Variants in OLFML2A observed in about 807,000 individuals in gnomAD.
OLFML2A encodes olfactomedin-like protein 2A.
OLFML2A carries 47 observed loss-of-function variants against 60.9 expected under a neutral mutation model. The observed-to-expected ratio is 0.77, with a 90% CI of 0.61 to 0.98. OLFML2A has a LOEUF of 0.98. Ranked by LOEUF, OLFML2A falls within the 50% of genes least tolerant of loss-of-function variation. The pLI, the probability that OLFML2A is intolerant of heterozygous loss-of-function variation, is 0.00. For synonymous variants in OLFML2A, 372 were observed against 375.0 expected (o/e 0.99, Z 0.09); for missense variants, 922 against 879.8 (o/e 1.05, Z -0.61).
intron 6 of OLFML2A, among the ~76,000 whole-genome samples, 198 bp from the exon 7 acceptor site, chr9:124,807,583 T>G (rs1042218324): frequency 1.3e-5 from 2 of 152,212 alleles, no homozygotes; most frequent in Non-Finnish European, 2.9e-5. Context: ...GCGCCTGGCC[T>G]CCATTCTGCT....
At chr9:124,809,043 T>A (rs1341536867) in intron 7 of OLFML2A, among the ~76,000 whole-genome samples, 1 of 150,744 alleles carries the variant, frequency 6.6e-6, no homozygotes, top group Non-Finnish European at 1.5e-5. Context: ...GGCAGGCGCC[T>A]GTAATCCCAG....
At chr9:124,809,625 G>T (rs1177334457) in intron 7 of OLFML2A, among the ~76,000 whole-genome samples, 183 bp from the exon 8 acceptor site, 1 of 151,840 alleles carries the variant, frequency 6.6e-6, no homozygotes, top group Non-Finnish European at 1.5e-5. Context: ...CAGATGGGAT[G>T]ACGATAGACC....
Position 124,809,802 on chromosome 9 carries a change from C to T in OLFML2A, c.1355-6C>T, listed in dbSNP as rs369572035. 2 of 1,590,088 alleles carry T rather than the reference C, an allele frequency of 1.3e-6. No individual in the cohort carries two copies. Among genetic ancestry groups the T allele is most frequent in the African/African-American group, 2.7e-5 (2 of 74,624 alleles). The stretch of plus-strand genomic sequence containing the variant: ...GGTCTGGGGTGACCATCGCCCTCGC[C>T]TGCAGGCCGCTGGAGTAACATGTAC... On this transcript the variant is annotated splice_region_variant and splice_polypyrimidine_tract_variant and intron_variant, in intron 7 of 7. Coordinates refer to ENST00000373580, the MANE Select transcript of OLFML2A (RefSeq NM_182487.4).
At chr9:124,796,184 C>A (rs1157829232) in intron 3 of OLFML2A, among the ~76,000 whole-genome samples, 1 of 152,214 alleles carries the variant, frequency 6.6e-6, no homozygotes, top group Non-Finnish European at 1.5e-5. Context: ...CCCTTCCTCA[C>A]CCCAAAGTTG....
At chr9:124,803,634 T>C (rs1841826091) in intron 5 of OLFML2A, among the ~76,000 whole-genome samples, 2 of 152,324 alleles carry the variant, frequency 1.3e-5, no homozygotes, top group Middle Eastern at 3.4e-3. Flanking sequence ...GGCAGAATAA[T>C]AGGAGAAGGC....
At chr9:124,785,705 A>G (rs1588878980) in intron 1 of OLFML2A, among the ~76,000 whole-genome samples, 1 of 152,074 alleles carries the variant, frequency 6.6e-6, no homozygotes, top group East Asian at 1.9e-4. Flanking sequence ...CGGCCTTTGG[A>G]TACCCATTTT....
chr9:124,786,446 C>A (rs1037410357), intron 1 of OLFML2A, among the ~76,000 whole-genome samples: 1 of 151,560 alleles, frequency 6.6e-6, no homozygotes, highest in Non-Finnish European at 1.5e-5. Flanking sequence ...ACGGGCCGGG[C>A]GCGGTGGCTC....
intron 2 of OLFML2A, among the ~76,000 whole-genome samples, chr9:124,791,848 G>A (rs1022254736): frequency 6.6e-6 from 1 of 151,988 alleles, no homozygotes; most frequent in African/African-American, 2.4e-5. Context: ...TCTGTCAAGT[G>A]GCTACAAAAG....
chr9:124,788,514 G>C (rs1841520808), intron 2 of OLFML2A, among the ~76,000 whole-genome samples: 1 of 152,172 alleles, frequency 6.6e-6, no homozygotes, highest in Non-Finnish European at 1.5e-5. Flanking sequence ...GCTGAGGCAG[G>C]AGAATTGCTT....
At chr9:124,794,006 T>C (rs1012217317) in intron 2 of OLFML2A, among the ~76,000 whole-genome samples, 3 of 152,162 alleles carry the variant, frequency 2.0e-5, no homozygotes, top group Admixed American at 2.0e-4. Context: ...GCCACTGCAC[T>C]CTTTCCTGGG....
chr9:124,808,218 G>T (rs1031754252), intron 7 of OLFML2A, among the ~76,000 whole-genome samples: 4 of 152,234 alleles, frequency 2.6e-5, no homozygotes, highest in Non-Finnish European at 5.9e-5. Context: ...AGAGAGACAT[G>T]GTCCTGCCCT....
intron 6 of OLFML2A, among the ~76,000 whole-genome samples, chr9:124,805,306 G>A (rs1160515417): frequency 6.6e-6 from 1 of 152,138 alleles, no homozygotes; most frequent in Non-Finnish European, 1.5e-5. Flanking sequence ...GGGAACAACA[G>A]CTGCAGCTTA....
intron 2 of OLFML2A, among the ~76,000 whole-genome samples, chr9:124,790,256 C>T (rs1404394932): frequency 6.6e-6 from 1 of 152,098 alleles, no homozygotes; most frequent in African/African-American, 2.4e-5. Flanking sequence ...CAACCTCCAC[C>T]CGGCTCCCCC....
At chr9:124,792,482 AG>A (rs2131257498) in intron 2 of OLFML2A, among the ~76,000 whole-genome samples, 1 of 152,326 alleles carries the variant, frequency 6.6e-6, no homozygotes, top group Non-Finnish European at 1.5e-5. Flanking sequence ...GTGAGAGACC[AG>A]GGTGCCCCTT....
At chr9:124,805,333 C>T (rs1320709629) in intron 6 of OLFML2A, among the ~76,000 whole-genome samples, 1 of 152,138 alleles carries the variant, frequency 6.6e-6, no homozygotes, top group Non-Finnish European at 1.5e-5. Flanking sequence ...TGCATCATGG[C>T]ATCATTTCTA....
rs369260197 is a variant in OLFML2A at position 124,807,765 on chromosome 9, G to T, written c.1169-16G>T. ...GGGGGTCTGTGTACCGATGCTGCCT[G>T]CCCTCCTCCCCACAGGCAGAGAGGC... On this transcript the variant is annotated splice_polypyrimidine_tract_variant and intron_variant, in intron 6 of 7. Transcript: ENST00000373580. The T allele has an allele frequency of 5.1e-5, 82 of 1,602,018 alleles. No homozygotes were observed. In the African/African-American group the frequency reaches 1.0e-3, roughly 20 times the overall value.
rs773917017 is a variant in OLFML2A, at chr9:124,786,931, G to A, written c.91-44G>A. On this transcript the variant is annotated intron_variant, in intron 1 of 7. Coordinates refer to ENST00000373580, the MANE Select transcript of OLFML2A (RefSeq NM_182487.4). ...CTCCCTTCCTCCCTGCCATAGCACT[G>A]CCTAGCAGCAACTCACTGGAGCCCC... is the stretch of plus-strand genomic sequence containing the variant. 5 of 1,578,026 alleles carry A rather than the reference G, an allele frequency of 3.2e-6. No homozygotes were observed. The South Asian group carries it at 5.8e-5, about 18-fold the overall frequency.
chr9:124,787,311 T>A, intron 2 of OLFML2A, 73 bp downstream of exon 2: 1 of 1,437,820 alleles, frequency 7.0e-7, no homozygotes, highest in Non-Finnish European at 9.7e-7. Flanking sequence ...CCAGTGAAAA[T>A]TCCACACACT....
At chr9:124,803,577 T>C (rs913358577) in intron 5 of OLFML2A, among the ~76,000 whole-genome samples, 1 of 152,234 alleles carries the variant, frequency 6.6e-6, no homozygotes, top group African/African-American at 2.4e-5. Flanking sequence ...CTAAGCACTT[T>C]CGTTCATGCC....
Sources: allele counts gnomAD v4.1 joint callset (sites outside exome capture counted in the v4.1 genomes callset), GRCh38; gene constraint gnomAD v4.1.1; transcripts MANE v1.5; gene names NCBI Gene and HGNC (gene_info 2026-07-23, HGNC 2026-07-21).